The following BTBD9 variants were observed in gnomAD, a reference collection of about 807,000 sequenced individuals.
BTBD9 encodes the protein BTB domain containing 9.
A neutral mutation model predicts 64.3 loss-of-function variants in BTBD9; 49 were observed. The observed-to-expected ratio is 0.76, with a 90% CI of 0.61 to 0.97. BTBD9 has a LOEUF of 0.97. Ranked by LOEUF, BTBD9 falls within the 50% of genes least tolerant of loss-of-function variation. The pLI is 0.00. For synonymous variants in BTBD9, 260 were observed against 274.7 expected, an observed-to-expected ratio of 0.95 and a Z score of 0.53; for missense variants, 598 against 762.1, an observed-to-expected ratio of 0.78 and a Z score of 2.53.
chr6:38,323,424 G>A (rs1181115353), intron 7 of BTBD9, among the ~76,000 whole-genome samples: 1 of 152,202 alleles, frequency 6.6e-6, no homozygotes, highest in African/African-American at 2.4e-5. Flanking sequence ...AGTAGGAGTA[G>A]AACAAAGCAG....
chr6:38,465,709 A>T (rs1409434841), intron 6 of BTBD9, among the ~76,000 whole-genome samples: 18 of 13,636 alleles, frequency 1.3e-3, no homozygotes, highest in Middle Eastern at 0.028. Context: ...TAAATAAATT[A>T]TATATATATA....
At chr6:38,602,801 A>T (rs980345026) in intron 1 of BTBD9, among the ~76,000 whole-genome samples, 1 of 151,834 alleles carries the variant, frequency 6.6e-6, no homozygotes, top group Non-Finnish European at 1.5e-5. Flanking sequence ...ACAGAGAAAA[A>T]GTAATTAACA....
At chr6:38,181,019 A>G (rs944840109) in intron 10 of BTBD9, among the ~76,000 whole-genome samples, 13 of 152,348 alleles carry the variant, frequency 8.5e-5, no homozygotes, top group African/African-American at 3.1e-4. Context: ...CAGGATGTAC[A>G]CAAATGTGCT....
At chr6:38,545,652 A>G (rs1001223066) in intron 6 of BTBD9, among the ~76,000 whole-genome samples, 6 of 150,950 alleles carry the variant, frequency 4.0e-5, no homozygotes, top group Admixed American at 6.6e-5. Flanking sequence ...GGTGGCGGGC[A>G]CCTGTAGTCC....
chr6:38,621,558 A>C (rs1269964189), intron 1 of BTBD9, among the ~76,000 whole-genome samples: 1 of 152,222 alleles, frequency 6.6e-6, no homozygotes, highest in East Asian at 1.9e-4. Context: ...AGTTAGCAGA[A>C]CTAGTGGTGC....
At chr6:38,183,162 A>G (rs547614731) in intron 10 of BTBD9, among the ~76,000 whole-genome samples, 1 of 152,170 alleles carries the variant, frequency 6.6e-6, no homozygotes, top group East Asian at 1.9e-4. Flanking sequence ...TAATTCTTTT[A>G]GTAGAGATGG....
chr6:38,312,592 A>G (rs976448672), intron 7 of BTBD9, among the ~76,000 whole-genome samples: 3 of 152,156 alleles, frequency 2.0e-5, no homozygotes, highest in Non-Finnish European at 4.4e-5. Context: ...ATGGAGAGGG[A>G]GATAGAGGGG....
At chr6:38,381,332 C>A (rs1261562443) in intron 6 of BTBD9, among the ~76,000 whole-genome samples, 2 of 152,098 alleles carry the variant, frequency 1.3e-5, no homozygotes, top group Non-Finnish European at 2.9e-5. Flanking sequence ...TCAGAAAAAA[C>A]AGACATTAAA....
Position 38,276,473 on chromosome 6 carries a change from A to G in BTBD9, c.1454+11799T>C, listed in dbSNP as rs548519962. Among the ~76,000 whole-genome samples the G allele has an allele frequency of 3.3e-5, 5 of 152,284 alleles. No individual in the cohort carries two copies. The South Asian group carries it at 8.3e-4, about 25-fold the overall frequency. ...TGTAACAAAGCTGCACATTGTGCAC[A>G]TGTACCCTAAAACTTAAAGTATAAT... On this transcript the variant is annotated intron_variant, in intron 8 of 10. Coordinates refer to ENST00000481247, the MANE Select transcript of BTBD9 (RefSeq NM_001099272.2).
At chr6:38,243,710 T>C (rs945711072) in intron 9 of BTBD9, among the ~76,000 whole-genome samples, 3 of 152,136 alleles carry the variant, frequency 2.0e-5, no homozygotes, top group African/African-American at 7.2e-5. Flanking sequence ...AGCTGCTTTA[T>C]GGAGAATGAC....
At position 38,374,296 on chromosome 6, in the gene BTBD9, T is replaced by TACAC. The variant is rs1491482634; in HGVS notation, c.1155-29204_1155-29203insGTGT. ...AAAAAAAAAAAAGTATATATATATA[T>TACAC]GTATATATATGTATATATATATATA... On this transcript the variant is annotated intron_variant, in intron 6 of 10. Coordinates refer to ENST00000481247, the MANE Select transcript of BTBD9 (RefSeq NM_001099272.2). Among the ~76,000 whole-genome samples, 40 of 70,638 alleles carry TACAC rather than the reference T, an allele frequency of 5.7e-4. 4 individuals carry two copies. The highest frequency in any genetic ancestry group is 3.7e-3 in the African/African-American group (40 of 10,738). 46.3% of individuals were successfully genotyped at this position (70,638 alleles called of 152,430 possible).
At chr6:38,440,607 C>G (rs1239838126) in intron 6 of BTBD9, among the ~76,000 whole-genome samples, 1 of 152,156 alleles carries the variant, frequency 6.6e-6, no homozygotes, top group African/African-American at 2.4e-5. Context: ...ATTCTTCCAT[C>G]AAGTCCCTTA....
intron 4 of BTBD9, 25 bp downstream of exon 4, chr6:38,592,551 G>T: frequency 6.2e-7 from 1 of 1,607,426 alleles, no homozygotes; most frequent in South Asian, 1.1e-5. Context: ...CTTCTTGGTT[G>T]AGTTTAGGAT....
At chr6:38,311,179 G>A (rs777715741) in intron 7 of BTBD9, among the ~76,000 whole-genome samples, 24 of 151,528 alleles carry the variant, frequency 1.6e-4, no homozygotes, top group Non-Finnish European at 3.2e-4. Context: ...GCTATGAAAC[G>A]CTAGATCTTA....
chr6:38,476,187 GT>G (rs1030693540), intron 6 of BTBD9, among the ~76,000 whole-genome samples: 1 of 152,180 alleles, frequency 6.6e-6, no homozygotes, highest in Non-Finnish European at 1.5e-5. Context: ...TTTAAAAATT[GT>G]TTTCAAGGCA....
At chr6:38,482,760 T>C (rs1021273631) in intron 6 of BTBD9, among the ~76,000 whole-genome samples, 1 of 152,000 alleles carries the variant, frequency 6.6e-6, no homozygotes, top group South Asian at 2.1e-4. Flanking sequence ...AAAGAATATA[T>C]ATAGCACAAA....
rs755854235 is a variant in BTBD9 at position 38,256,456 on chromosome 6, G to T, written c.1515C>A (p.Asn505Lys). Residue 505 changes from asparagine to lysine, a missense_variant, in exon 9 of 11, where the codon AAC becomes AAA. Asn to Lys is a moderately conservative substitution (Grantham distance 94, BLOSUM62 0). Coordinates refer to ENST00000481247, the MANE Select transcript of BTBD9 (RefSeq NM_001099272.2). ...CAGCAACCATGGTCCACTGTTGCTG[G>T]TTGGTAGAAACCTCAACGTAGTAGC... ...SYSYYVEVSTNQQQWTMVADR... is the reference protein window; with the variant it reads ...SYSYYVEVSTKQQQWTMVADR... 13 of 1,613,968 alleles carry T rather than the reference G, an allele frequency of 8.1e-6. No homozygotes were observed.
chr6:38,303,915 G>GTGTA (rs1554137179), intron 7 of BTBD9, among the ~76,000 whole-genome samples: 5 of 128,968 alleles, frequency 3.9e-5, no homozygotes, highest in East Asian at 2.2e-4. Flanking sequence ...GTATATATGT[G>GTGTA]TATATATATA....
chr6:38,496,850 C>T (rs7770868), intron 6 of BTBD9, among the ~76,000 whole-genome samples: 2 of 151,964 alleles, frequency 1.3e-5, no homozygotes, highest in Non-Finnish European at 2.9e-5. Context: ...CTAGTGGCAA[C>T]AGCCATCATG....
Sources: allele counts gnomAD v4.1 joint callset (sites outside exome capture counted in the v4.1 genomes callset), GRCh38; gene constraint gnomAD v4.1.1; transcripts MANE v1.5; gene names NCBI Gene and HGNC (gene_info 2026-07-23, HGNC 2026-07-21).